Variants in EXO5 observed in about 807,000 individuals in gnomAD.
EXO5 encodes the protein exonuclease 5, also known as exonuclease V.
A neutral mutation model predicts 17.8 loss-of-function variants in EXO5; 11 were observed. The observed-to-expected ratio is 0.62, with a 90% CI of 0.39 to 1.02. EXO5 has a LOEUF of 1.02. Ranked by LOEUF, EXO5 falls within the 50% of genes least tolerant of loss-of-function variation. The probability of loss-of-function intolerance (pLI) is 0.00; values close to 1 mark genes in which losing one functional copy is unlikely to be tolerated. For missense variants in EXO5, 364 were observed against 434.8 expected (o/e 0.84, Z 1.45); for synonymous variants, 147 against 166.5 (o/e 0.88, Z 0.90).
chr1:40,509,628 A>T lies in EXO5; in HGVS notation c.-89+3A>T, dbSNP rs532101323. The T allele has an allele frequency of 1.3e-5, 2 of 152,352 alleles. No individual in the cohort carries two copies. The highest frequency in any genetic ancestry group is 4.1e-4 in the South Asian group (2 of 4,820). The allele number at this position is 152,352 out of a possible 1,614,324, so 9.4% of individuals were successfully genotyped here. A position where few individuals can be genotyped will look rare whatever the true frequency, so the allele number is the denominator to read the frequency against. On this transcript the variant is annotated splice_donor_region_variant and intron_variant, in intron 2 of 3. Transcript: ENST00000415550. ...ACCCAACGTGAGGGAATGGTCAGGT[A>T]AGAAAGGACCAGAAGTTCCGGTTCT... is the stretch of plus-strand genomic sequence containing the variant.
rs766122543 is a variant in EXO5 at position 40,515,493 on chromosome 1, G to A, written c.949G>A (p.Ala317Thr). 1.2e-5 allele frequency: 19 copies of A among 1,613,866 alleles called. No individual in the cohort carries two copies. The Admixed American group carries it at 1.5e-4, about 13-fold the overall frequency. The change falls in exon 4 of 4, where the codon GCC (alanine) becomes ACC (threonine). Residue 317 changes from alanine (A) to threonine (T), a missense_variant. Physicochemically the swap from Ala to Thr is moderately conservative, Grantham distance 58. Transcript: ENST00000415550. ...AGCCTTCAAAGAGAAGGAGGTGAGAGCCAAGGTGCAGCATTATATGGCCTA... is the reference window on the plus strand; with the variant it reads ...AGCCTTCAAAGAGAAGGAGGTGAGAACCAAGGTGCAGCATTATATGGCCTA... Reference protein sequence around the residue: ...IVAFKEKEVRAKVQHYMAYWM... With the variant: ...IVAFKEKEVRTKVQHYMAYWM...
chr1:40,512,670 C>T (rs1036830921), intron 3 of EXO5, among the ~76,000 whole-genome samples: 1 of 152,134 alleles, frequency 6.6e-6, no homozygotes, highest in Non-Finnish European at 1.5e-5. Context: ...GGTGTTATCT[C>T]AGCTCACTGC....
chr1:40,515,633 T>C lies in EXO5; in HGVS notation c.1089T>C (p.Ser363=). The change falls in exon 4 of 4, where the codon TCT becomes TCC. Residue 363 remains serine (S), a synonymous_variant. Coordinates refer to ENST00000415550, the MANE Select transcript of EXO5 (RefSeq NM_001346953.2). ...EWRKGSGVLS[S]TLAPQVKKAK Reference sequence around the variant, plus strand: ...GAAAGGGCAGTGGAGTGCTCAGCTCTACACTGGCGCCCCAAGTCAAAAAAG... The same window carrying C: ...GAAAGGGCAGTGGAGTGCTCAGCTCCACACTGGCGCCCCAAGTCAAAAAAG... 1.2e-6 allele frequency: 2 copies of C among 1,612,604 alleles called. No individual in the cohort carries two copies. The highest frequency in any genetic ancestry group is 2.2e-5 in the South Asian group (2 of 91,038).
At position 40,514,527 on chromosome 1, in the gene EXO5, C is replaced by G; in HGVS notation, c.-18C>G. On this transcript the variant is annotated 5_prime_UTR_variant, in exon 4 of 4. Transcript: ENST00000415550. ...ACATGTTATGCAGGGCCCTTCTAGC[C>G]CAATCCAGAGCTGTACCATGGCAGA... The G allele has an allele frequency of 1.3e-6, 2 of 1,586,816 alleles. No homozygotes were observed. Among genetic ancestry groups the G allele is most frequent in the Non-Finnish European group, 1.7e-6 (2 of 1,169,952 alleles).
In EXO5 at chr1:40,515,558, G is replaced by A. The variant is rs3795344; in HGVS notation, c.1014G>A (p.Glu338=). The A allele has an allele frequency of 0.035, 56,926 of 1,613,546 alleles. 1,210 individuals are homozygous for A. Among genetic ancestry groups the A allele is most frequent in the Middle Eastern group, 0.065 (397 of 6,062 alleles). Residue 338 remains glutamate (E), a synonymous_variant, in exon 4 of 4, where the codon GAG becomes GAA. Coordinates refer to ENST00000415550, the MANE Select transcript of EXO5 (RefSeq NM_001346953.2). ...GAGAGCCCCAGGGAGTTGACGTGGA[G>A]GAGGCTTGGAAGTGCCGGACGTGTA... is the stretch of plus-strand genomic sequence containing the variant. ...GHREPQGVDV[E]EAWKCRTCTY... is the part of the protein sequence containing the mutation.
intron 3 of EXO5, among the ~76,000 whole-genome samples, chr1:40,511,948 A>G (rs552889911): frequency 7.3e-4 from 111 of 151,064 alleles, no homozygotes; most frequent in African/African-American, 2.5e-3. Flanking sequence ...GTGGGATCTC[A>G]GCTCACTGCA....
chr1:40,515,999 C>A lies in EXO5; in HGVS notation c.*333C>A. Reference sequence around the variant, plus strand: ...ATCCCTATTTTTATCTTGATCAAGGCTTTCTACAGTTACATAATAAAATGA... The same window carrying A: ...ATCCCTATTTTTATCTTGATCAAGGATTTCTACAGTTACATAATAAAATGA... On this transcript the variant is annotated 3_prime_UTR_variant, in exon 4 of 4. Coordinates refer to ENST00000415550, the MANE Select transcript of EXO5 (RefSeq NM_001346953.2). 4.0e-6 allele frequency: 1 copy of A among 251,810 alleles called. No individual in the cohort carries two copies. Among genetic ancestry groups the A allele is most frequent in the Non-Finnish European group, 8.2e-6 (1 of 121,780 alleles). 15.6% of individuals were successfully genotyped at this position (251,810 alleles called of 1,614,324 possible).
intron 3 of EXO5, among the ~76,000 whole-genome samples, chr1:40,510,182 T>A (rs1254208887): frequency 7.7e-6 from 1 of 129,386 alleles, no homozygotes; most frequent in African/African-American, 2.5e-5. Context: ...TATTATTCTA[T>A]GTTTTTACTT....
rs1240063874 is a variant in EXO5 at position 40,515,823 on chromosome 1, A to G, written c.*157A>G. ...TCTAACCACATTCAGTCCAGGACCAAGGCTCAGGGATGAGTGGGAGAGATG... is the reference window on the plus strand; with the variant it reads ...TCTAACCACATTCAGTCCAGGACCAGGGCTCAGGGATGAGTGGGAGAGATG... On this transcript the variant is annotated 3_prime_UTR_variant, in exon 4 of 4. Transcript: ENST00000415550. The G allele has an allele frequency of 2.2e-5, 16 of 722,466 alleles. No individual in the cohort carries two copies. In the South Asian group the frequency reaches 2.8e-4, roughly 13 times the overall value. 44.8% of individuals were successfully genotyped at this position (722,466 alleles called of 1,614,324 possible).
intron 3 of EXO5, 96 bp from the exon 4 acceptor site, chr1:40,514,414 TAAATA>T: frequency 1.1e-6 from 1 of 949,366 alleles, no homozygotes; most frequent in South Asian, 1.7e-5. Flanking sequence ...AGAATGTAAA[TAAATA>T]ATTTGTCATA....
intron 3 of EXO5, among the ~76,000 whole-genome samples, chr1:40,513,317 T>A (rs1333814664): frequency 6.6e-6 from 1 of 152,222 alleles, no homozygotes; most frequent in African/African-American, 2.4e-5. Context: ...TATATATAGT[T>A]GATCTTTGAA....
rs573530320 is a variant in EXO5, at chr1:40,510,197, T to TG, written c.-31+407_-31+408insG. On this transcript the variant is annotated intron_variant, in intron 3 of 3. Coordinates refer to ENST00000415550, the MANE Select transcript of EXO5 (RefSeq NM_001346953.2). ...TATTATTCTATGTTTTTACTTACTT[T>TG]TTTTTTTTATAAAAATCAAACTTGT... is the stretch of plus-strand genomic sequence containing the variant. 3.6e-4 allele frequency among the ~76,000 whole-genome samples: 55 copies of TG among 151,388 alleles called. No homozygotes were observed. The East Asian group carries it at 6.4e-3, about 18-fold the overall frequency.
At chr1:40,511,376 T>C (rs1401834341) in intron 3 of EXO5, among the ~76,000 whole-genome samples, 5 of 152,270 alleles carry the variant, frequency 3.3e-5, no homozygotes, top group African/African-American at 1.2e-4. Context: ...ATTGACAGTT[T>C]ATAACACTTG....
rs1645879637 is a variant in EXO5, at chr1:40,515,671, A to C, written c.*5A>C. On this transcript the variant is annotated 3_prime_UTR_variant, in exon 4 of 4. Transcript: ENST00000415550. ...CAAGTCAAAAAAGCCAAATGAATAG[A>C]AGGTATGCTTTCAAGAATGTTGATC... 5.0e-6 allele frequency: 8 copies of C among 1,606,428 alleles called. No homozygotes were observed. The highest frequency in any genetic ancestry group is 5.9e-6 in the Non-Finnish European group (7 of 1,176,500).
chr1:40,515,322 C>T lies in EXO5; in HGVS notation c.778C>T (p.Gln260Ter). 6.2e-7 allele frequency: 1 copy of T among 1,614,016 alleles called. No individual in the cohort carries two copies. Among genetic ancestry groups the T allele is most frequent in the South Asian group, 1.1e-5 (1 of 91,072 alleles). The change falls in exon 4 of 4, where the codon CAG becomes TAG. Residue 260 changes from glutamine to a stop codon, truncating the protein, a stop_gained. Coordinates refer to ENST00000415550, the MANE Select transcript of EXO5 (RefSeq NM_001346953.2). LOFTEE classifies it high-confidence loss of function. ...LGPSVLRHAQ[Q>*]GGFSVKSLGD... ...GCCATCAGTGCTGAGGCATGCCCAG[C>T]AGGGAGGCTTCTCTGTGAAGTCTTT...
chr1:40,511,521 T>G (rs1482109956), intron 3 of EXO5, among the ~76,000 whole-genome samples: 23 of 152,232 alleles, frequency 1.5e-4, no homozygotes, highest in Non-Finnish European at 2.8e-4. Context: ...CTTCTAGCTA[T>G]CTATGTTTTC....
Position 40,515,714 on chromosome 1 carries a change from A to C in EXO5, c.*48A>C. 6.4e-7 allele frequency: 1 copy of C among 1,552,522 alleles called. No individual in the cohort carries two copies. Among genetic ancestry groups the C allele is most frequent in the Non-Finnish European group, 8.7e-7 (1 of 1,150,594 alleles). On this transcript the variant is annotated 3_prime_UTR_variant, in exon 4 of 4. Transcript: ENST00000415550. The stretch of plus-strand genomic sequence containing the variant: ...TGTTGATCCTTCCTGCTCCTGTTGT[A>C]CCTAAGCAAAAGAGGACCAGTCTCT...
chr1:40,512,124 G>T (rs938997541), intron 3 of EXO5, among the ~76,000 whole-genome samples: 1 of 152,120 alleles, frequency 6.6e-6, no homozygotes, highest in Non-Finnish European at 1.5e-5. Context: ...TGATCCGCCC[G>T]CCTTGGCCTC....
chr1:40,515,226 A>G lies in EXO5; in HGVS notation c.682A>G (p.Met228Val). The change falls in exon 4 of 4, where the codon ATG (methionine) becomes GTG (valine). Residue 228 changes from methionine to valine, a missense_variant. Transcript: ENST00000415550. ...CCTATACAAATATATCTTTGATGCCATGGTACAAGGAAAAGTGACCCCTGC... is the reference window on the plus strand; with the variant it reads ...CCTATACAAATATATCTTTGATGCCGTGGTACAAGGAAAAGTGACCCCTGC... The part of the protein sequence containing the change: ...VSLYKYIFDA[M>V]VQGKVTPASL... 5.6e-6 allele frequency: 9 copies of G among 1,614,108 alleles called. No homozygotes were observed. Among genetic ancestry groups the G allele is most frequent in the South Asian group, 1.1e-5 (1 of 91,068 alleles).
Sources: allele counts gnomAD v4.1 joint callset (sites outside exome capture counted in the v4.1 genomes callset), GRCh38; gene constraint gnomAD v4.1.1; transcripts MANE v1.5; gene names NCBI Gene and HGNC (gene_info 2026-07-23, HGNC 2026-07-21).